The following DLG1 variants were observed in gnomAD, a reference collection of about 807,000 sequenced individuals.
The protein encoded by DLG1 is discs large MAGUK scaffold protein 1, also known as disks large homolog 1.
Under a neutral mutation model 123.4 loss-of-function variants are expected in DLG1, and 42 were observed. The ratio of observed to expected loss-of-function variants is 0.34; its 90% CI spans 0.27 to 0.44. The LOEUF is 0.44. Among genes scored for constraint, DLG1 ranks in the 20% least tolerant of loss-of-function variants. The pLI is 1.00. For missense variants in DLG1, 942 were observed against 1,082.6 expected (o/e 0.87, Z 1.82); for synonymous variants, 317 against 356.2 (o/e 0.89, Z 1.24).
intron 24 of DLG1, among the ~76,000 whole-genome samples, chr3:197,046,666 T>C (rs1356912147): frequency 2.0e-5 from 3 of 152,096 alleles, no homozygotes; most frequent in Non-Finnish European, 4.4e-5. Flanking sequence ...TTGGATGAGT[T>C]TGAGACCAGC....
intron 4 of DLG1, among the ~76,000 whole-genome samples, chr3:197,278,281 C>CA: frequency 1.3e-5 from 1 of 78,800 alleles, no homozygotes; most frequent in Non-Finnish European, 2.4e-5. Context: ...AGACTCTGTC[C>CA]CAAAAAAAAA....
At chr3:197,127,457 A>T (rs6583195) in intron 11 of DLG1, among the ~76,000 whole-genome samples, 42 of 20,730 alleles carry the variant, frequency 2.0e-3, no homozygotes, top group East Asian at 2.7e-3. Flanking sequence ...AAAAAAAAAA[A>T]ATATATATAT....
At chr3:197,188,057 A>G (rs774639575) in intron 5 of DLG1, among the ~76,000 whole-genome samples, 7 of 152,124 alleles carry the variant, frequency 4.6e-5, no homozygotes, top group African/African-American at 7.2e-5. Context: ...CACCACCACA[A>G]TAATCTAATA....
At chr3:197,258,408 T>C (rs1232164216) in intron 4 of DLG1, among the ~76,000 whole-genome samples, 2 of 111,664 alleles carry the variant, frequency 1.8e-5, no homozygotes, top group East Asian at 5.6e-4. Flanking sequence ...TTCTTCATTG[T>C]GAAGAACATA....
At chr3:197,126,868 T>C (rs1779387091) in intron 11 of DLG1, among the ~76,000 whole-genome samples, 1 of 152,188 alleles carries the variant, frequency 6.6e-6, no homozygotes, top group South Asian at 2.1e-4. Context: ...CTGATAATGA[T>C]TAGTAATATA....
chr3:197,096,472 TC>T (rs1760717090), intron 14 of DLG1, among the ~76,000 whole-genome samples: 2 of 152,136 alleles, frequency 1.3e-5, no homozygotes, highest in African/African-American at 4.8e-5. Flanking sequence ...CATGGGTAAG[TC>T]CAATGGGCCA....
intron 5 of DLG1, among the ~76,000 whole-genome samples, chr3:197,174,133 G>A (rs1805782150): frequency 6.6e-6 from 1 of 152,126 alleles, no homozygotes; most frequent in Admixed American, 6.5e-5. Context: ...GGCTACATTT[G>A]GCCTACAGAT....
intron 5 of DLG1, among the ~76,000 whole-genome samples, chr3:197,159,283 A>T (rs556306196): frequency 2.0e-5 from 3 of 152,346 alleles, no homozygotes; most frequent in African/African-American, 7.2e-5. Flanking sequence ...AATATGATCA[A>T]TGTGAAAGTA....
Position 197,091,791 on chromosome 3 carries a change from A to C in DLG1, c.1547-765T>G, listed in dbSNP as rs996525750. On this transcript the variant is annotated intron_variant, in intron 14 of 24. Coordinates refer to ENST00000667157, the MANE Select transcript of DLG1 (RefSeq NM_001366207.1). ...TCTTTTTTCCCCTCTATTTATAACA[A>C]ATTGCAGACAACTAGGTCATTTCAA... 2.0e-5 allele frequency among the ~76,000 whole-genome samples: 3 copies of C among 152,108 alleles called. No individual in the cohort carries two copies. In the South Asian group the frequency reaches 6.2e-4, roughly 31 times the overall value.
intron 4 of DLG1, among the ~76,000 whole-genome samples, chr3:197,214,551 C>A (rs758709438): frequency 6.6e-6 from 1 of 151,414 alleles, no homozygotes; most frequent in Non-Finnish European, 1.5e-5. Context: ...CTAGCCTGGG[C>A]GACAGAGCGA....
chr3:197,297,332 C>T, intron 1 of DLG1, 97 bp from the exon 2 acceptor site: 2 of 1,518,712 alleles, frequency 1.3e-6, no homozygotes, highest in Non-Finnish European at 1.8e-6. Context: ...TATTTGAAAA[C>T]CCCACGTTCC....
intron 7 of DLG1, among the ~76,000 whole-genome samples, chr3:197,142,063 T>G (rs1486614761): frequency 6.6e-6 from 1 of 152,234 alleles, no homozygotes; most frequent in African/African-American, 2.4e-5. Flanking sequence ...CAAGTCATTT[T>G]CTGATTGGGC....
intron 4 of DLG1, among the ~76,000 whole-genome samples, chr3:197,219,275 G>C (rs1735707091): frequency 6.6e-6 from 1 of 152,190 alleles, no homozygotes; most frequent in African/African-American, 2.4e-5. Flanking sequence ...GCCAAATTGA[G>C]AAGCAGAGGC....
At chr3:197,161,301 C>T (rs1454987032) in intron 5 of DLG1, among the ~76,000 whole-genome samples, 1 of 152,012 alleles carries the variant, frequency 6.6e-6, no homozygotes, top group Non-Finnish European at 1.5e-5. Flanking sequence ...ATCAGGAGTA[C>T]AATGATTTTT....
chr3:197,123,999 C>T (rs890824147), intron 11 of DLG1, among the ~76,000 whole-genome samples: 3 of 152,126 alleles, frequency 2.0e-5, no homozygotes, highest in Non-Finnish European at 2.9e-5. Flanking sequence ...CTCCTATCTG[C>T]AATCCCAACA....
intron 10 of DLG1, among the ~76,000 whole-genome samples, chr3:197,134,801 G>A (rs1784308816): frequency 6.6e-6 from 1 of 152,262 alleles, no homozygotes; most frequent in African/African-American, 2.4e-5. Flanking sequence ...CTTGGGTGAA[G>A]TGTTGTGCCA....
intron 4 of DLG1, among the ~76,000 whole-genome samples, chr3:197,275,042 C>T (rs973075501): frequency 6.6e-6 from 1 of 151,876 alleles, no homozygotes; most frequent in African/African-American, 2.4e-5. Flanking sequence ...AAAAATTAGC[C>T]GGGCATGGCA....
Position 197,245,907 on chromosome 3 carries a change from G to T in DLG1, c.318+36772C>A, listed in dbSNP as rs1029067585. On this transcript the variant is annotated intron_variant, in intron 4 of 24. Transcript: ENST00000667157. The stretch of plus-strand genomic sequence containing the variant: ...ACAATACTTTTTTTTTTTTGGGGGG[G>T]GGGGAGGTGGCAAATGAAGGTTATC... Among the ~76,000 whole-genome samples the T allele has an allele frequency of 2.8e-5, 4 of 141,796 alleles. No individual in the cohort carries two copies. In the East Asian group the frequency reaches 6.5e-4, roughly 23 times the overall value. The allele number at this position is 141,796 out of a possible 152,430, so 93.0% of individuals were successfully genotyped here. A position where few individuals can be genotyped will look rare whatever the true frequency, so the allele number is the denominator to read the frequency against.
intron 13 of DLG1, among the ~76,000 whole-genome samples, chr3:197,113,063 TTA>T (rs1430532816): frequency 2.6e-5 from 4 of 152,236 alleles, no homozygotes; most frequent in Non-Finnish European, 4.4e-5. Flanking sequence ...GAATTAAATT[TTA>T]TGTCTGGAGT....
Sources: gnomAD v4.1 joint callset for allele counts (sites outside exome capture counted in the v4.1 genomes callset) on GRCh38, gnomAD v4.1.1 for gene constraint, MANE v1.5 for transcripts, NCBI Gene and HGNC (gene_info 2026-07-23, HGNC 2026-07-21) for gene names.